The following ZNF385D variants were observed in gnomAD, a reference collection of about 807,000 sequenced individuals.
ZNF385D encodes zinc finger protein 385D.
ZNF385D carries 15 observed loss-of-function variants against 35.8 expected under a neutral mutation model. That is an observed-to-expected ratio of 0.42 (90% CI 0.28 to 0.64). The LOEUF is 0.64. Ranked by LOEUF, ZNF385D falls within the 30% of genes least tolerant of loss-of-function variation. The probability of loss-of-function intolerance (pLI) is 0.23; values close to 1 mark genes in which losing one functional copy is unlikely to be tolerated. For missense variants in ZNF385D, 474 were observed against 494.6 expected (o/e 0.96, Z 0.39); for synonymous variants, 212 against 186.8 (o/e 1.13, Z -1.10).
intron 1 of ZNF385D, among the ~76,000 whole-genome samples, chr3:21,713,190 A>G (rs184733674): frequency 4.6e-5 from 7 of 152,268 alleles, no homozygotes; most frequent in East Asian, 1.9e-4. Context: ...CTGCTCACCA[A>G]CCTCAAAGGA....
intron 1 of ZNF385D, among the ~76,000 whole-genome samples, chr3:21,667,925 A>G (rs2066455315): frequency 6.6e-6 from 1 of 152,202 alleles, no homozygotes; most frequent in African/African-American, 2.4e-5. Flanking sequence ...CTAGGGGTTA[A>G]AAAAACCTTC....
At chr3:21,684,398 CTCTCTCCTCTCTCTCTCTCTCT>C (rs1559516715) in intron 1 of ZNF385D, among the ~76,000 whole-genome samples, 4 of 82,806 alleles carry the variant, frequency 4.8e-5, no homozygotes, top group African/African-American at 2.5e-4. Context: ...CTCTCTCTCT[CTCTCTCCTCTCTCTCTCTCTCT>C]CTCTCTCTCT....
intron 3 of ZNF385D, among the ~76,000 whole-genome samples, chr3:22,113,757 G>C (rs539794118): frequency 3.9e-4 from 60 of 152,114 alleles, no homozygotes; most frequent in African/African-American, 1.4e-3. Flanking sequence ...AGGCCAAGGC[G>C]GGTGAATCAC....
intron 2 of ZNF385D, among the ~76,000 whole-genome samples, chr3:22,201,054 T>C (rs1224653470): frequency 4.6e-5 from 7 of 151,796 alleles, no homozygotes; most frequent in African/African-American, 1.4e-4. Flanking sequence ...GCTGACAAGA[T>C]TAAGAGACTA....
chr3:21,685,438 C>T (rs2067073372), intron 1 of ZNF385D, among the ~76,000 whole-genome samples: 1 of 152,208 alleles, frequency 6.6e-6, no homozygotes, highest in Non-Finnish European at 1.5e-5. Flanking sequence ...GACTCGTAAG[C>T]ATTTGATATT....
intron 3 of ZNF385D, among the ~76,000 whole-genome samples, chr3:22,096,495 T>C (rs1701641323): frequency 6.6e-6 from 1 of 152,140 alleles, no homozygotes; most frequent in Middle Eastern, 3.4e-3. Context: ...ATAACTCTAA[T>C]AAGAACTCTC....
At position 21,429,654 on chromosome 3, in the gene ZNF385D, G is replaced by A. The variant is rs112772822; in HGVS notation, c.674-3984C>T. ...CAAATTATTTTCTAAAAATTACAAA[G>A]AAAGTTTCAGAGGGGTTTACTTTAT... On this transcript the variant is annotated intron_variant, in intron 5 of 7. Coordinates refer to ENST00000281523, the MANE Select transcript of ZNF385D (RefSeq NM_024697.3). Among the ~76,000 whole-genome samples, 724 of 152,136 alleles carry A rather than the reference G, an allele frequency of 4.8e-3. 4 individuals are homozygous for A. Among genetic ancestry groups the A allele is most frequent in the Middle Eastern group, 0.017 (5 of 294 alleles).
At chr3:22,127,051 C>A (rs1453167793) in intron 3 of ZNF385D, among the ~76,000 whole-genome samples, 4 of 151,912 alleles carry the variant, frequency 2.6e-5, no homozygotes, top group African/African-American at 9.7e-5. Flanking sequence ...TCATTATTTT[C>A]AGTCTATTGT....
At chr3:21,796,978 T>C (rs2072182415) in intron 3 of ZNF385D, among the ~76,000 whole-genome samples, 1 of 152,172 alleles carries the variant, frequency 6.6e-6, no homozygotes, top group South Asian at 2.1e-4. Context: ...GTGGGTGGCA[T>C]GATCCATGCA....
intron 1 of ZNF385D, among the ~76,000 whole-genome samples, chr3:21,680,737 G>A (rs963166886): frequency 1.9e-4 from 29 of 152,102 alleles, no homozygotes; most frequent in Admixed American, 6.6e-4. Flanking sequence ...ATTGGCACTG[G>A]GGAAATCTTG....
At chr3:22,282,098 C>T (rs1444803931) in intron 2 of ZNF385D, among the ~76,000 whole-genome samples, 6 of 151,736 alleles carry the variant, frequency 4.0e-5, no homozygotes, top group Non-Finnish European at 5.9e-5. Flanking sequence ...TAATATATCC[C>T]GTTTCATTTC....
chr3:21,671,278 T>G (rs1045287654), intron 1 of ZNF385D, among the ~76,000 whole-genome samples: 1 of 152,044 alleles, frequency 6.6e-6, no homozygotes, highest in Non-Finnish European at 1.5e-5. Context: ...TGCAAACGTT[T>G]ATGAAAAATA....
intron 2 of ZNF385D, among the ~76,000 whole-genome samples, chr3:21,608,012 C>CTTTTTTTTTT (rs368555930): frequency 1.4e-4 from 17 of 123,958 alleles, no homozygotes; most frequent in African/African-American, 4.4e-4. Context: ...TCTTTTTCTT[C>CTTTTTTTTTT]TTTTTTTTTT....
intron 3 of ZNF385D, among the ~76,000 whole-genome samples, chr3:22,067,694 G>A (rs993933297): frequency 6.6e-6 from 1 of 152,112 alleles, no homozygotes; most frequent in African/African-American, 2.4e-5. Flanking sequence ...AATTATATAA[G>A]GGAAAGAAGC....
intron 1 of ZNF385D, among the ~76,000 whole-genome samples, chr3:21,743,567 C>G (rs1232524496): frequency 2.0e-5 from 3 of 152,234 alleles, no homozygotes. Flanking sequence ...TCCTGGCTTG[C>G]AGCAGTTACG....
At chr3:22,250,981 C>T (rs957066352) in intron 2 of ZNF385D, among the ~76,000 whole-genome samples, 1 of 152,052 alleles carries the variant, frequency 6.6e-6, no homozygotes, top group African/African-American at 2.4e-5. Context: ...TAAAGAGCTT[C>T]CAGGCATGAA....
chr3:22,238,846 C>A (rs1427918152), intron 2 of ZNF385D, among the ~76,000 whole-genome samples: 1 of 150,736 alleles, frequency 6.6e-6, no homozygotes, highest in Non-Finnish European at 1.5e-5. Flanking sequence ...GACTCTTCTG[C>A]CTCAGCCTCT....
chr3:22,083,178 C>A (rs1163081012), intron 3 of ZNF385D, among the ~76,000 whole-genome samples: 1 of 152,202 alleles, frequency 6.6e-6, no homozygotes, highest in African/African-American at 2.4e-5. Context: ...TTCTTCTACT[C>A]CAAAGGATCG....
chr3:22,279,596 A>AATG (rs1026484658), intron 2 of ZNF385D, among the ~76,000 whole-genome samples: 1 of 144,446 alleles, frequency 6.9e-6, no homozygotes, highest in Non-Finnish European at 1.5e-5. Context: ...ATATGTACAT[A>AATG]TATATGTATA....
Sources: gnomAD v4.1 joint callset for allele counts (sites outside exome capture counted in the v4.1 genomes callset) on GRCh38, gnomAD v4.1.1 for gene constraint, MANE v1.5 for transcripts, NCBI Gene and HGNC (gene_info 2026-07-23, HGNC 2026-07-21) for gene names.